Variants in ADARB2 observed in about 807,000 individuals in gnomAD.
The protein encoded by ADARB2 is adenosine deaminase RNA specific B2 (inactive).
ADARB2 carries 25 observed loss-of-function variants against 62.2 expected under a neutral mutation model. That is an observed-to-expected ratio of 0.40 (90% CI 0.29 to 0.56). ADARB2 has a LOEUF of 0.56. Ranked by LOEUF, ADARB2 falls within the 20% of genes least tolerant of loss-of-function variation. ADARB2 has a pLI of 0.43. For missense variants in ADARB2, 1,071 were observed against 1,077.4 expected (o/e 0.99, Z 0.08); for synonymous variants, 572 against 500.8 (o/e 1.14, Z -1.90).
At chr10:1,451,586 G>A (rs962058593) in intron 1 of ADARB2, among the ~76,000 whole-genome samples, 4 of 151,694 alleles carry the variant, frequency 2.6e-5, no homozygotes, top group Non-Finnish European at 4.4e-5. Flanking sequence ...ACACCTGTAT[G>A]AGGAGGGGCT....
intron 6 of ADARB2, among the ~76,000 whole-genome samples, chr10:1,232,165 A>AGCACACACACC (rs375278527): frequency 6.6e-6 from 1 of 151,788 alleles, no homozygotes; most frequent in Admixed American, 6.6e-5. Context: ...CCACACACAT[A>AGCACACACACC]GCACACACAC....
chr10:1,300,878 G>C (rs1831566635), intron 3 of ADARB2, among the ~76,000 whole-genome samples: 1 of 152,148 alleles, frequency 6.6e-6, no homozygotes, highest in African/African-American at 2.4e-5. Flanking sequence ...GGACATGTAG[G>C]CCAAGGTGCT....
At chr10:1,533,121 T>C (rs1280218391) in intron 1 of ADARB2, among the ~76,000 whole-genome samples, 1 of 6,616 alleles carries the variant, frequency 1.5e-4, no homozygotes, top group African/African-American at 2.9e-4. Context: ...AACATCACCT[T>C]TTTTTTTTTT....
chr10:1,663,714 G>A (rs1328937309), intron 1 of ADARB2, among the ~76,000 whole-genome samples: 1 of 152,020 alleles, frequency 6.6e-6, no homozygotes, highest in Non-Finnish European at 1.5e-5. Context: ...CTGCCTCCTG[G>A]GTTCAAGTGA....
chr10:1,317,961 C>T (rs1831755871), intron 3 of ADARB2, among the ~76,000 whole-genome samples: 1 of 152,172 alleles, frequency 6.6e-6, no homozygotes, highest in African/African-American at 2.4e-5. Flanking sequence ...CCCTCAATCC[C>T]CGGTGTGAGT....
chr10:1,336,866 C>A (rs1408495045), intron 3 of ADARB2, among the ~76,000 whole-genome samples: 1 of 152,054 alleles, frequency 6.6e-6, no homozygotes, highest in Admixed American at 6.5e-5. Flanking sequence ...TGGTGGTAAC[C>A]TTTACAGTGC....
chr10:1,418,729 G>A (rs371672776), intron 1 of ADARB2, among the ~76,000 whole-genome samples: 4 of 151,984 alleles, frequency 2.6e-5, no homozygotes, highest in East Asian at 1.9e-4. Flanking sequence ...GTTTTGGGCC[G>A]AGCAACACTG....
chr10:1,309,184 C>G (rs1831661492), intron 3 of ADARB2, among the ~76,000 whole-genome samples: 1 of 152,196 alleles, frequency 6.6e-6, no homozygotes, highest in Non-Finnish European at 1.5e-5. Flanking sequence ...GTTCAAGACT[C>G]CATACCCAGA....
intron 1 of ADARB2, among the ~76,000 whole-genome samples, chr10:1,670,154 A>G (rs569994825): frequency 1.3e-5 from 2 of 152,350 alleles, no homozygotes; most frequent in Non-Finnish European, 1.5e-5. Context: ...AGATATCTTT[A>G]TAATCCAGCC....
intron 1 of ADARB2, among the ~76,000 whole-genome samples, chr10:1,596,826 C>A (rs1245829873): frequency 1.3e-5 from 2 of 152,176 alleles, no homozygotes; most frequent in Non-Finnish European, 2.9e-5. Flanking sequence ...TGTCCCGCAG[C>A]AGGAGGGAGA....
At chr10:1,374,628 T>C (rs886136552) in intron 2 of ADARB2, among the ~76,000 whole-genome samples, 1 of 152,190 alleles carries the variant, frequency 6.6e-6, no homozygotes, top group African/African-American at 2.4e-5. Flanking sequence ...GCCCGCCGTA[T>C]GCAGCGCTGC....
intron 1 of ADARB2, among the ~76,000 whole-genome samples, chr10:1,427,902 C>T (rs1832904985): frequency 6.6e-6 from 1 of 152,076 alleles, no homozygotes. Context: ...AGGAAATGAA[C>T]TATCTGTATA....
intron 1 of ADARB2, among the ~76,000 whole-genome samples, chr10:1,618,915 C>A (rs1242636091): frequency 2.0e-5 from 3 of 152,182 alleles, no homozygotes; most frequent in Non-Finnish European, 4.4e-5. Context: ...AACTATACAG[C>A]TGAAACCCCT....
intron 1 of ADARB2, among the ~76,000 whole-genome samples, chr10:1,458,648 T>G (rs6560733): frequency 0.67 from 101,643 of 151,872 alleles, 34,770 homozygotes; most frequent in Non-Finnish European, 0.75. Context: ...CTCTTTGCTT[T>G]TACATTTTTC....
At chr10:1,355,105 G>A (rs1832182397) in intron 3 of ADARB2, among the ~76,000 whole-genome samples, 1 of 152,152 alleles carries the variant, frequency 6.6e-6, no homozygotes. Context: ...TCCCCTGGCT[G>A]CCCACCTCCT....
intron 1 of ADARB2, among the ~76,000 whole-genome samples, chr10:1,719,696 C>CA (rs1835064462): frequency 6.6e-6 from 1 of 152,002 alleles, no homozygotes; most frequent in East Asian, 1.9e-4. Flanking sequence ...AATCAACAAG[C>CA]AAAAAACAAA....
At chr10:1,364,143 G>T (rs1832292554) in intron 2 of ADARB2, among the ~76,000 whole-genome samples, 1 of 152,252 alleles carries the variant, frequency 6.6e-6, no homozygotes, top group Admixed American at 6.5e-5. Flanking sequence ...GTGGCTAGGA[G>T]CTGTCGTCTT....
At chr10:1,236,259 C>CCTCCCGGTGTTTACTCCCCTCTG (rs1830866969) in intron 5 of ADARB2, among the ~76,000 whole-genome samples, 1 of 9,144 alleles carries the variant, frequency 1.1e-4, no homozygotes, top group Non-Finnish European at 1.9e-4. Context: ...ACTCCCCTCT[C>CCTCCCGGTGTTTACTCCCCTCTG]CCTCCCGGTG....
intron 3 of ADARB2, among the ~76,000 whole-genome samples, chr10:1,344,405 A>AT (rs1334861482): frequency 6.6e-6 from 1 of 152,100 alleles, no homozygotes; most frequent in East Asian, 1.9e-4. Flanking sequence ...GGCTCAGAAT[A>AT]TTTTTCCTGG....
Sources: gnomAD v4.1 joint callset for allele counts (sites outside exome capture counted in the v4.1 genomes callset) on GRCh38, gnomAD v4.1.1 for gene constraint, MANE v1.5 for transcripts, NCBI Gene and HGNC (gene_info 2026-07-23, HGNC 2026-07-21) for gene names.